NBAS: variants seen among roughly 807,000 people sequenced by gnomAD.
NBAS encodes NBAS subunit of NRZ tethering complex.
A neutral mutation model predicts 302.5 loss-of-function variants in NBAS; 219 were observed. That is an observed-to-expected ratio of 0.72 (90% CI 0.65 to 0.81). The LOEUF is 0.81. Among genes scored for constraint, NBAS ranks in the 30% least tolerant of loss-of-function variants. The probability of loss-of-function intolerance (pLI) is 0.00; values close to 1 mark genes in which losing one functional copy is unlikely to be tolerated. For missense variants in NBAS, 2,932 were observed against 2,841.6 expected, an observed-to-expected ratio of 1.03 and a Z score of -0.72; for synonymous variants, 1,118 against 1,021.6, an observed-to-expected ratio of 1.09 and a Z score of -1.80.
At chr2:15,409,766 G>T (rs1318980) in intron 25 of NBAS, among the ~76,000 whole-genome samples, 94,662 of 151,548 alleles carry the variant, frequency 0.62, 30,276 homozygotes, top group Middle Eastern at 0.68. Context: ...GGCCTGCCAC[G>T]GAGTTTTGCT....
the NBAS span, among the ~76,000 whole-genome samples, chr2:15,034,897 C>A: frequency 6.6e-6 from 1 of 152,100 alleles, no homozygotes; most frequent in Admixed American, 6.5e-5. Flanking sequence ...TAGACACATA[C>A]AAACACTTCG....
the NBAS span, among the ~76,000 whole-genome samples, chr2:14,851,441 GT>G: frequency 1.3e-5 from 2 of 151,276 alleles, no homozygotes; most frequent in African/African-American, 4.9e-5. Flanking sequence ...ATAATCAATA[GT>G]TTACCAACCA....
At chr2:14,800,880 T>G in the NBAS span, among the ~76,000 whole-genome samples, 12 of 142,304 alleles carry the variant, frequency 8.4e-5, no homozygotes, top group East Asian at 1.9e-3. Context: ...TTATCTGGTA[T>G]CATTTCCTTT....
the NBAS span, among the ~76,000 whole-genome samples, chr2:15,109,145 C>A: frequency 6.6e-6 from 1 of 152,066 alleles, no homozygotes; most frequent in Non-Finnish European, 1.5e-5. Flanking sequence ...CTATAGTTGA[C>A]TAAAAATCTT....
At chr2:15,333,339 G>A (rs1033586642) in intron 35 of NBAS, among the ~76,000 whole-genome samples, 1 of 152,182 alleles carries the variant, frequency 6.6e-6, no homozygotes, top group African/African-American at 2.4e-5. Flanking sequence ...AGCAGGACAT[G>A]AGGATGAAAG....
the NBAS span, among the ~76,000 whole-genome samples, chr2:15,057,309 A>T: frequency 1.7e-5 from 1 of 57,354 alleles, no homozygotes; most frequent in African/African-American, 6.1e-5. Context: ...CAAATACAGA[A>T]ATTTGAAAAA....
intron 35 of NBAS, among the ~76,000 whole-genome samples, chr2:15,335,516 G>A (rs1672542812): frequency 6.6e-6 from 1 of 152,146 alleles, no homozygotes; most frequent in South Asian, 2.1e-4. Flanking sequence ...TTTTTCATTT[G>A]AGCAATTCTG....
chr2:15,302,997 T>C (rs10199885), intron 40 of NBAS, among the ~76,000 whole-genome samples: 84,539 of 152,058 alleles, frequency 0.56, 25,006 homozygotes, highest in East Asian at 0.85. Flanking sequence ...GCTCTTGGGC[T>C]TTCAGCTGCA....
chr2:15,436,616 T>G (rs188240829), intron 21 of NBAS, among the ~76,000 whole-genome samples: 1 of 152,356 alleles, frequency 6.6e-6, no homozygotes. Context: ...ATTCACAGCA[T>G]GCATATTTAT....
At chr2:14,910,879 G>A in the NBAS span, among the ~76,000 whole-genome samples, 1 of 152,298 alleles carries the variant, frequency 6.6e-6, no homozygotes, top group South Asian at 2.1e-4. Context: ...ATTGTACTGG[G>A]GATAGTGAAG....
At chr2:15,411,786 T>C (rs541299940) in intron 25 of NBAS, among the ~76,000 whole-genome samples, 4 of 152,214 alleles carry the variant, frequency 2.6e-5, no homozygotes, top group Admixed American at 6.5e-5. Flanking sequence ...TGCTAATTTC[T>C]AATCCATTAT....
intron 32 of NBAS, among the ~76,000 whole-genome samples, chr2:15,364,459 A>G (rs1012629700): frequency 6.6e-6 from 1 of 152,120 alleles, no homozygotes; most frequent in African/African-American, 2.4e-5. Flanking sequence ...TGAATCTGGG[A>G]GGCACAGGTT....
chr2:15,526,887 A>C (rs1228094831), intron 9 of NBAS, among the ~76,000 whole-genome samples: 1 of 152,218 alleles, frequency 6.6e-6, no homozygotes, highest in East Asian at 1.9e-4. Context: ...ATCTGACTTA[A>C]AAGAAATTTA....
At chr2:15,162,459 G>T (rs965792247), downstream of NBAS, among the ~76,000 whole-genome samples, 1 of 152,182 alleles carries the variant, frequency 6.6e-6, no homozygotes, top group Non-Finnish European at 1.5e-5. Flanking sequence ...GCCACCGGGG[G>T]AGCAGAAACT....
At chr2:14,972,511 T>C in the NBAS span, among the ~76,000 whole-genome samples, 1 of 152,176 alleles carries the variant, frequency 6.6e-6, no homozygotes, top group African/African-American at 2.4e-5. Flanking sequence ...TACACAAAGA[T>C]TTCTAAAATT....
chr2:15,081,433 TA>T, the NBAS span, among the ~76,000 whole-genome samples: 1 of 152,206 alleles, frequency 6.6e-6, no homozygotes, highest in Non-Finnish European at 1.5e-5. Context: ...AGATGTCTCA[TA>T]TACCATACTT....
chr2:15,062,360 A>C, the NBAS span, among the ~76,000 whole-genome samples: 1 of 152,202 alleles, frequency 6.6e-6, no homozygotes, highest in South Asian at 2.1e-4. Flanking sequence ...GAGCGATGAG[A>C]TGCATGCCTG....
the NBAS span, among the ~76,000 whole-genome samples, chr2:15,076,723 T>C: frequency 6.6e-6 from 1 of 152,100 alleles, no homozygotes; most frequent in Non-Finnish European, 1.5e-5. Context: ...AGAATATCTC[T>C]GGCTGCCAGT....
chr2:14,870,411 A>T, the NBAS span, among the ~76,000 whole-genome samples: 3 of 152,248 alleles, frequency 2.0e-5, no homozygotes, highest in African/African-American at 7.2e-5. Flanking sequence ...AACATGCTGA[A>T]TGATCACCAG....
Sources: allele counts gnomAD v4.1 joint callset (sites outside exome capture counted in the v4.1 genomes callset), GRCh38; gene constraint gnomAD v4.1.1; transcripts MANE v1.5; gene names NCBI Gene and HGNC (gene_info 2026-07-23, HGNC 2026-07-21).